ASIC2: variants seen among roughly 807,000 people sequenced by gnomAD.
ASIC2 encodes acid sensing ion channel subunit 2.
Under a neutral mutation model 57.3 loss-of-function variants are expected in ASIC2, and 25 were observed. The observed-to-expected ratio is 0.44, with a 90% confidence interval of 0.32 to 0.61. ASIC2 has a LOEUF of 0.61. Ranked by LOEUF, ASIC2 falls within the 20% of genes least tolerant of loss-of-function variation. The pLI is 0.06. For synonymous variants in ASIC2, 319 were observed against 307.5 expected, an observed-to-expected ratio of 1.04 and a Z score of -0.39; for missense variants, 641 against 738.1, an observed-to-expected ratio of 0.87 and a Z score of 1.52.
At chr17:33,473,183 CTG>C (rs1280935096) in intron 1 of ASIC2, among the ~76,000 whole-genome samples, 4 of 152,208 alleles carry the variant, frequency 2.6e-5, no homozygotes, top group Admixed American at 6.5e-5. Flanking sequence ...CAAGGAGGCC[CTG>C]GGGCAGGGAC....
intron 1 of ASIC2, among the ~76,000 whole-genome samples, chr17:33,692,753 C>G (rs998179378): frequency 6.6e-6 from 1 of 152,072 alleles, no homozygotes; most frequent in African/African-American, 2.4e-5. Flanking sequence ...TTATTTACAC[C>G]AGCATCACTA....
At position 33,715,168 on chromosome 17, in the gene ASIC2, T is replaced by A. The variant is rs1597846837; in HGVS notation, c.555+440810A>T. On this transcript the variant is annotated intron_variant, in intron 1 of 9. Coordinates refer to the ASIC2 transcript ENST00000359872. ...GAAGATGCTGCTGCACTTGACTAAT[T>A]TTAAATTTTTTTTAATAGAGACAGG... Among the ~76,000 whole-genome samples, 6 of 151,944 alleles carry A rather than the reference T, an allele frequency of 3.9e-5. No homozygotes were observed. In the South Asian group the frequency reaches 1.2e-3, roughly 32 times the overall value.
At position 34,027,454 on chromosome 17, in the gene ASIC2, C is replaced by T. The variant is rs73278495; in HGVS notation, c.555+128524G>A. Among the ~76,000 whole-genome samples, 516 of 152,170 alleles carry T rather than the reference C, an allele frequency of 3.4e-3. 7 individuals carry two copies. The highest frequency in any genetic ancestry group is 0.012 in the African/African-American group (504 of 41,528). ...CTGCCCCCCTATAACCATTTAGTTG[C>T]CACCTCTTTGAAAAAAAAATCCTGA... is the stretch of plus-strand genomic sequence containing the variant. On this transcript the variant is annotated intron_variant, in intron 1 of 9. Coordinates refer to the ASIC2 transcript ENST00000359872.
intron 1 of ASIC2, among the ~76,000 whole-genome samples, chr17:33,536,608 C>A (rs1411715024): frequency 6.6e-6 from 1 of 152,214 alleles, no homozygotes; most frequent in Non-Finnish European, 1.5e-5. Flanking sequence ...TAGCATCTCA[C>A]CTTATCTTGC....
chr17:33,996,499 GT>G (rs1244560836), intron 1 of ASIC2, among the ~76,000 whole-genome samples: 1 of 152,118 alleles, frequency 6.6e-6, no homozygotes, highest in South Asian at 2.1e-4. Context: ...CATTGTTTAA[GT>G]CTTTAATGCA....
rs1205831750 is a variant in ASIC2 at position 33,397,482 on chromosome 17, A to G, written c.556-285415T>C. On this transcript the variant is annotated intron_variant, in intron 1 of 9. Coordinates refer to the ASIC2 transcript ENST00000359872. The stretch of plus-strand genomic sequence containing the variant: ...CAGTAAATGACAATTGAAGGAAATA[A>G]TTAGAGGAAATATGGGATGGTCTGA... Among the ~76,000 whole-genome samples, 3 of 152,228 alleles carry G rather than the reference A, an allele frequency of 2.0e-5. No individual in the cohort carries two copies. In the East Asian group the frequency reaches 5.8e-4, roughly 29 times the overall value.
chr17:34,038,091 A>G, intron 1 of ASIC2: 1 of 1,613,322 alleles, frequency 6.2e-7, no homozygotes, highest in East Asian at 2.2e-5. Flanking sequence ...ATGATCTTCG[A>G]AAGACCAAAA....
intron 1 of ASIC2, among the ~76,000 whole-genome samples, chr17:33,402,410 C>T (rs904682870): frequency 1.3e-5 from 2 of 152,148 alleles, no homozygotes; most frequent in African/African-American, 4.8e-5. Flanking sequence ...AGCCCAGCAT[C>T]CATTAGCTCT....
At chr17:33,384,309 A>T (rs1909596696) in intron 1 of ASIC2, among the ~76,000 whole-genome samples, 1 of 152,218 alleles carries the variant, frequency 6.6e-6, no homozygotes. Context: ...TTTAATATTA[A>T]TTGGTAAAAG....
intron 1 of ASIC2, among the ~76,000 whole-genome samples, chr17:33,299,945 C>A (rs535053418): frequency 2.6e-5 from 4 of 152,132 alleles, no homozygotes; most frequent in African/African-American, 9.7e-5. Flanking sequence ...TAAATCACAC[C>A]GGTTGATACT....
chr17:33,361,676 A>G (rs1213615870), intron 1 of ASIC2, among the ~76,000 whole-genome samples: 3 of 152,218 alleles, frequency 2.0e-5, no homozygotes, highest in South Asian at 2.1e-4. Context: ...TGAGGTTTAG[A>G]GAGTCTTACC....
chr17:33,299,012 G>T (rs1905838775), intron 1 of ASIC2, among the ~76,000 whole-genome samples: 1 of 152,156 alleles, frequency 6.6e-6, no homozygotes, highest in East Asian at 1.9e-4. Context: ...TGGCCATACT[G>T]CCCAAGGTAA....
intron 1 of ASIC2, among the ~76,000 whole-genome samples, chr17:33,632,687 C>T (rs980944117): frequency 1.3e-5 from 2 of 152,160 alleles, no homozygotes; most frequent in Non-Finnish European, 2.9e-5. Flanking sequence ...CTGCCTCAGG[C>T]TCCCAAAGTG....
At chr17:33,833,223 AGAT>A (rs1392953004) in intron 1 of ASIC2, among the ~76,000 whole-genome samples, 1 of 152,236 alleles carries the variant, frequency 6.6e-6, no homozygotes, top group Non-Finnish European at 1.5e-5. Flanking sequence ...TACCTCCATA[AGAT>A]GATAAGCATC....
chr17:33,911,674 C>T (rs1212223301), intron 1 of ASIC2, among the ~76,000 whole-genome samples: 3 of 152,164 alleles, frequency 2.0e-5, no homozygotes, highest in Admixed American at 6.5e-5. Flanking sequence ...TGGGATAGAC[C>T]ACAGCAGACC....
chr17:34,129,891 A>T (rs1911900281), intron 1 of ASIC2, among the ~76,000 whole-genome samples: 1 of 152,174 alleles, frequency 6.6e-6, no homozygotes, highest in Admixed American at 6.5e-5. Flanking sequence ...CACCCTCCAG[A>T]CATACCATGT....
chr17:33,472,396 T>C (rs1353882816), intron 1 of ASIC2, among the ~76,000 whole-genome samples: 2 of 152,200 alleles, frequency 1.3e-5, no homozygotes, highest in African/African-American at 4.8e-5. Context: ...GTTACCATTT[T>C]AATCTTTAAA....
chr17:34,086,417 T>C (rs1910114621), intron 1 of ASIC2, among the ~76,000 whole-genome samples: 1 of 152,208 alleles, frequency 6.6e-6, no homozygotes, highest in Non-Finnish European at 1.5e-5. Flanking sequence ...TTTGTTATAA[T>C]TTCTGTTCTT....
chr17:33,332,954 T>G (rs1907374071), intron 1 of ASIC2, among the ~76,000 whole-genome samples: 1 of 152,188 alleles, frequency 6.6e-6, no homozygotes, highest in Non-Finnish European at 1.5e-5. Context: ...GCAGCATGCC[T>G]AGGAGAGGCC....
Sources: gnomAD v4.1 joint callset for allele counts (sites outside exome capture counted in the v4.1 genomes callset) on GRCh38, gnomAD v4.1.1 for gene constraint, MANE v1.5 for transcripts, NCBI Gene and HGNC (gene_info 2026-07-23, HGNC 2026-07-21) for gene names.